The following HSD17B1 variants were observed in gnomAD, a reference collection of about 807,000 sequenced individuals.
HSD17B1 encodes the protein 17-beta-hydroxysteroid dehydrogenase type 1.
In HSD17B1, 16 loss-of-function variants were observed where a neutral mutation model predicts 22.7. That is an observed-to-expected ratio of 0.71 (90% CI 0.48 to 1.07). The LOEUF (loss-of-function observed/expected upper bound fraction) is 1.07, where lower values mean the gene tolerates loss of function less well. Ranked by LOEUF, HSD17B1 falls within the 50% of genes least tolerant of loss-of-function variation. The pLI is 0.00. For missense variants in HSD17B1, 533 were observed against 459.9 expected (o/e 1.16, Z -1.45); for synonymous variants, 243 against 211.0 (o/e 1.15, Z -1.31).
intron 3 of HSD17B1, 39 bp downstream of exon 3, chr17:42,553,657 T>C (rs1210193517): frequency 6.3e-7 from 1 of 1,598,812 alleles, no homozygotes; most frequent in Admixed American, 1.7e-5. Flanking sequence ...TCCAGATTCT[T>C]TGTGTGCGGA....
intron 4 of HSD17B1, 98 bp from the exon 5 acceptor site, chr17:42,554,307 G>A (rs2092954957): frequency 6.9e-7 from 1 of 1,440,782 alleles, no homozygotes; most frequent in Non-Finnish European, 9.2e-7. Flanking sequence ...CTCGCGGTCG[G>A]GGGCCGGGAC....
Position 42,554,983 on chromosome 17 carries a change from G to C in HSD17B1, c.*45G>C. 7.0e-7 allele frequency: 1 copy of C among 1,433,444 alleles called. No individual in the cohort carries two copies. The highest frequency in any genetic ancestry group is 2.6e-5 in the East Asian group (1 of 38,482). 88.8% of individuals were successfully genotyped at this position (1,433,444 alleles called of 1,614,324 possible). A position where few individuals can be genotyped will look rare whatever the true frequency, so the allele number is the denominator to read the frequency against. Reference sequence around the variant, plus strand: ...CTCCCGCGCCCTTCTTTGTCCCCTGGGTCTGTGTGGTCCCTGGGGATGGGG... The same window carrying C: ...CTCCCGCGCCCTTCTTTGTCCCCTGCGTCTGTGTGGTCCCTGGGGATGGGG... On this transcript the variant is annotated 3_prime_UTR_variant, in exon 6 of 6. Transcript: ENST00000585807.
In HSD17B1 at chr17:42,554,818, G is replaced by A. The variant is rs2092957740; in HGVS notation, c.867G>A (p.Pro289=). The change falls in exon 6 of 6, where the codon CCG becomes CCA. Residue 289 remains proline, a synonymous_variant. Transcript: ENST00000585807. ...ACCGGGAAGTGTTCGGCGACGTTCC[G>A]GCAAAGGCCGAGGCTGGGGCCGAGG... is the stretch of plus-strand genomic sequence containing the variant. ...AMHREVFGDV[P]AKAEAGAEAG... The A allele has an allele frequency of 1.2e-6, 2 of 1,600,378 alleles. No homozygotes were observed. Among genetic ancestry groups the A allele is most frequent in the East Asian group, 4.5e-5 (2 of 44,860 alleles).
chr17:42,553,798 G>T lies in HSD17B1; in HGVS notation c.450G>T (p.Leu150=). The T allele has an allele frequency of 6.2e-7, 1 of 1,613,014 alleles. No homozygotes were observed. Among genetic ancestry groups the T allele is most frequent in the Non-Finnish European group, 8.5e-7 (1 of 1,179,472 alleles). Residue 150 remains leucine, a synonymous_variant, in exon 4 of 6, where the codon CTG becomes CTT. Coordinates refer to ENST00000585807, the MANE Select transcript of HSD17B1 (RefSeq NM_000413.4). The part of the protein sequence containing the change: ...VTGSVGGLMG[L]PFNDVYCASK... ...AACCTCGTCTCCCCACCTAAGGGCT[G>T]CCTTTCAATGACGTTTATTGCGCCA...
In HSD17B1 at chr17:42,554,727, GC is replaced by G; in HGVS notation, c.777del (p.Phe260SerfsTer96). 1.9e-6 allele frequency: 3 copies of G among 1,603,686 alleles called. No homozygotes were observed. Among genetic ancestry groups the G allele is most frequent in the Non-Finnish European group, 2.5e-6 (3 of 1,179,738 alleles). ...ACCCTGCGCTACTTCACCACCGAGC[GC>G]TTCCTGCCCCTGCTGCGGATGCGCC... ...KPTLRYFTTE[R>X]FLPLLRMRLD... On this transcript the variant is annotated frameshift_variant, in exon 6 of 6. Transcript: ENST00000585807. LOFTEE classifies it low-confidence loss of function (END_TRUNC).
In HSD17B1 at chr17:42,553,038, T is replaced by C. The variant is rs1171459656; in HGVS notation, c.97+8T>C. ...CATCCCAGAGCTTCAAAGGTATAGA[T>C]AGGCAGGGACAGGGAGGGAGAGAAG... On this transcript the variant is annotated splice_region_variant and intron_variant, in intron 1 of 5. Coordinates refer to ENST00000585807, the MANE Select transcript of HSD17B1 (RefSeq NM_000413.4). The C allele has an allele frequency of 5.3e-5, 86 of 1,613,890 alleles. No individual in the cohort carries two copies. Among genetic ancestry groups the C allele is most frequent in the Non-Finnish European group, 6.9e-5 (82 of 1,179,972 alleles).
rs756684365 is a variant in HSD17B1, at chr17:42,554,884, G to A, written c.933G>A (p.Gly311=). The A allele has an allele frequency of 1.3e-6, 2 of 1,552,176 alleles. No homozygotes were observed. The highest frequency in any genetic ancestry group is 4.7e-5 in the East Asian group (2 of 42,728). ...GGCCTGGGGCAGAGGACGAGGCCGG[G>A]CGCGGTGCGGTGGGGGACCCTGAGC... The part of the protein sequence containing the change: ...GAGPGAEDEA[G]RGAVGDPELG... Residue 311 remains glycine, a synonymous_variant, in exon 6 of 6, where the codon GGG becomes GGA. Transcript: ENST00000585807.
In HSD17B1 at chr17:42,553,276, C is replaced by T. The variant is rs1384885222; in HGVS notation, c.250C>T (p.Arg84Cys). 7 of 1,609,060 alleles carry T rather than the reference C, an allele frequency of 4.4e-6. No individual in the cohort carries two copies. In the Admixed American group the frequency reaches 6.7e-5, roughly 15 times the overall value. ...AAARERVTEG[R>C]VDVLVCNAGL... ...TGCCCGGGAACGCGTGACTGAGGGC[C>T]GCGTGGACGTGCTGGGTGAGCCTCC... is the stretch of plus-strand genomic sequence containing the variant. Residue 84 changes from arginine to cysteine, a missense_variant, in exon 2 of 6, where the codon CGC becomes TGC. By Grantham distance (180) the Arg-to-Cys change is radical (BLOSUM62 -3). Transcript: ENST00000585807.
rs545340852 is a variant in HSD17B1 at position 42,553,705 on chromosome 17, G to A, written c.445+87G>A. On this transcript the variant is annotated intron_variant, in intron 3 of 5. Transcript: ENST00000585807. The stretch of plus-strand genomic sequence containing the variant: ...AGGCAGGTTCCGCGGGGGGGGTGGA[G>A]TGGGGTGCCGTCAGCTTGGAGGGGC... 1.3e-5 allele frequency: 21 copies of A among 1,596,778 alleles called. No individual in the cohort carries two copies. The African/African-American group carries it at 2.2e-4, about 16-fold the overall frequency.
In HSD17B1 at chr17:42,553,431, C is replaced by G. The variant is rs749692470; in HGVS notation, c.266-8C>G. On this transcript the variant is annotated splice_polypyrimidine_tract_variant and splice_region_variant and intron_variant, in intron 2 of 5. Transcript: ENST00000585807. Reference sequence around the variant, plus strand: ...GAGGCGGGCTGGTCGGGCCTCTTGTCTCCGCAGTGTGTAACGCAGGCCTGG... The same window carrying G: ...GAGGCGGGCTGGTCGGGCCTCTTGTGTCCGCAGTGTGTAACGCAGGCCTGG... 4 of 1,611,730 alleles carry G rather than the reference C, an allele frequency of 2.5e-6. No individual in the cohort carries two copies. The highest frequency in any genetic ancestry group is 1.7e-5 in the Admixed American group (1 of 60,014).
At chr17:42,554,268 C>T (rs2092954808) in intron 4 of HSD17B1, 137 bp from the exon 5 acceptor site, 3 of 1,253,406 alleles carry the variant, frequency 2.4e-6, no homozygotes, top group Non-Finnish European at 2.1e-6. Context: ...AGCGCCCTTT[C>T]CGCCTCACTT....
intron 4 of HSD17B1, 52 bp downstream of exon 4, chr17:42,553,939 C>CCGAG (rs1567898530): frequency 1.4e-6 from 2 of 1,466,312 alleles, no homozygotes; most frequent in Admixed American, 3.7e-5. Flanking sequence ...CCTAGAGACG[C>CCGAG]CGAGCACCCT....
In HSD17B1 at chr17:42,555,034, A is replaced by C; in HGVS notation, c.*96A>C. On this transcript the variant is annotated 3_prime_UTR_variant, in exon 6 of 6. Coordinates refer to ENST00000585807, the MANE Select transcript of HSD17B1 (RefSeq NM_000413.4). ...CGGCGGTAGCAGCTGTGGGTGGCTA[A>C]TTAAGATAGATCGCGTTAGCCAGTT... 2.1e-6 allele frequency: 3 copies of C among 1,399,774 alleles called. No homozygotes were observed. In the South Asian group the frequency reaches 4.8e-5, roughly 22 times the overall value. The allele number at this position is 1,399,774 out of a possible 1,614,324, so 86.7% of individuals were successfully genotyped here.
Position 42,553,506 on chromosome 17 carries a change from G to A in HSD17B1, c.333G>A (p.Val111=), listed in dbSNP as rs142354430. Reference sequence around the variant, plus strand: ...TGGGGGAGGACGCCGTGGCCTCTGTGCTGGACGTGAATGTAGTAGGGACTG... The same window carrying A: ...TGGGGGAGGACGCCGTGGCCTCTGTACTGGACGTGAATGTAGTAGGGACTG... ...EALGEDAVAS[V]LDVNVVGTVR... Residue 111 remains valine, a synonymous_variant, in exon 3 of 6, where the codon GTG becomes GTA. Coordinates refer to ENST00000585807, the MANE Select transcript of HSD17B1 (RefSeq NM_000413.4). 6 of 1,613,994 alleles carry A rather than the reference G, an allele frequency of 3.7e-6. No homozygotes were observed. The highest frequency in any genetic ancestry group is 4.5e-5 in the East Asian group (2 of 44,882).
In HSD17B1 at chr17:42,554,767, C is replaced by T; in HGVS notation, c.816C>T (p.Ser272=). ...TGCGGATGCGCCTGGACGACCCCAG[C>T]GGCTCCAACTACGTCACCGCCATGC... ...PLLRMRLDDP[S]GSNYVTAMHR... The change falls in exon 6 of 6, where the codon AGC becomes AGT. Residue 272 remains serine (S), a synonymous_variant. Transcript: ENST00000585807. 1.2e-6 allele frequency: 2 copies of T among 1,603,634 alleles called. No individual in the cohort carries two copies. Among genetic ancestry groups the T allele is most frequent in the Non-Finnish European group, 8.5e-7 (1 of 1,179,724 alleles).
chr17:42,553,410 C>T (rs373637400), intron 2 of HSD17B1, 29 bp from the exon 3 acceptor site: 3 of 1,608,960 alleles, frequency 1.9e-6, no homozygotes, highest in African/African-American at 2.7e-5. Context: ...GATGCTGAGG[C>T]GGGCTGGTCG....
chr17:42,553,227 A>G lies in HSD17B1; in HGVS notation c.201A>G (p.Val67=), dbSNP rs1318080910. 6.2e-7 allele frequency: 1 copy of G among 1,613,588 alleles called. No individual in the cohort carries two copies. The highest frequency in any genetic ancestry group is 1.3e-5 in the African/African-American group (1 of 75,066). The change falls in exon 2 of 6, where the codon GTA becomes GTG. Residue 67 remains valine, a synonymous_variant. Transcript: ENST00000585807. The part of the protein sequence containing the change: ...PGSLETLQLD[V]RDSKSVAAAR... Reference sequence around the variant, plus strand: ...CCCTGGAGACGTTGCAGCTGGACGTAAGGGACTCAAAATCCGTGGCCGCTG... The same window carrying G: ...CCCTGGAGACGTTGCAGCTGGACGTGAGGGACTCAAAATCCGTGGCCGCTG...
chr17:42,553,415 T>C (rs1215297502), intron 2 of HSD17B1, 24 bp from the exon 3 acceptor site: 9 of 1,609,874 alleles, frequency 5.6e-6, no homozygotes, highest in African/African-American at 1.3e-5. Context: ...TGAGGCGGGC[T>C]GGTCGGGCCT....
In HSD17B1 at chr17:42,554,987, T is replaced by C; in HGVS notation, c.*49T>C. On this transcript the variant is annotated 3_prime_UTR_variant, in exon 6 of 6. Transcript: ENST00000585807. Reference sequence around the variant, plus strand: ...CGCGCCCTTCTTTGTCCCCTGGGTCTGTGTGGTCCCTGGGGATGGGGCGGC... The same window carrying C: ...CGCGCCCTTCTTTGTCCCCTGGGTCCGTGTGGTCCCTGGGGATGGGGCGGC... 1.4e-6 allele frequency: 2 copies of C among 1,422,586 alleles called. No individual in the cohort carries two copies. Among genetic ancestry groups the C allele is most frequent in the Non-Finnish European group, 1.8e-6 (2 of 1,095,632 alleles). 88.1% of individuals were successfully genotyped at this position (1,422,586 alleles called of 1,614,324 possible).
Sources: gnomAD v4.1 joint callset for allele counts on GRCh38, gnomAD v4.1.1 for gene constraint, MANE v1.5 for transcripts, NCBI Gene and HGNC (gene_info 2026-07-23, HGNC 2026-07-21) for gene names.